NPSR1: variants seen among roughly 807,000 people sequenced by gnomAD.
NPSR1 encodes neuropeptide S receptor.
In NPSR1, 48 loss-of-function variants were observed where a neutral mutation model predicts 46.9. That is an observed-to-expected ratio of 1.02 (90% CI 0.81 to 1.30). The LOEUF is 1.30. Ranked by LOEUF, NPSR1 falls within the 50% of genes most tolerant of loss-of-function variation. The probability of loss-of-function intolerance (pLI) is 0.00; values close to 1 mark genes in which losing one functional copy is unlikely to be tolerated. For missense variants in NPSR1, 450 were observed against 449.5 expected (o/e 1.00, Z -0.01); for synonymous variants, 176 against 168.1 (o/e 1.05, Z -0.36).
At chr7:34,857,637 C>T (rs539587717) in intron 8 of NPSR1, among the ~76,000 whole-genome samples, 6 of 151,370 alleles carry the variant, frequency 4.0e-5, no homozygotes, top group South Asian at 2.1e-4. Flanking sequence ...GACAATAGGA[C>T]GCTGAAAAAA....
At chr7:34,812,991 G>A (rs1789066363) in intron 4 of NPSR1, among the ~76,000 whole-genome samples, 1 of 151,978 alleles carries the variant, frequency 6.6e-6, no homozygotes, top group African/African-American at 2.4e-5. Context: ...AGTGAAATAG[G>A]GTAATTTCAT....
At chr7:34,697,750 A>G (rs1793603809) in intron 2 of NPSR1, among the ~76,000 whole-genome samples, 1 of 151,780 alleles carries the variant, frequency 6.6e-6, no homozygotes, top group African/African-American at 2.4e-5. Context: ...CACAGATAAA[A>G]AGGGCCAATT....
chr7:34,824,181 C>T lies in NPSR1; in HGVS notation c.479-3220C>T, dbSNP rs142321413. 1.6e-3 allele frequency among the ~76,000 whole-genome samples: 242 copies of T among 152,158 alleles called. 3 individuals are homozygous for T. Among genetic ancestry groups the T allele is most frequent in the African/African-American group, 5.3e-3 (220 of 41,526 alleles). On this transcript the variant is annotated intron_variant, in intron 4 of 8. Transcript: ENST00000360581. ...TTAAGCTTGACGTTTCTGGTTGGTG[C>T]CACTATGGATTTTTTTCCTTTTCGC...
At chr7:34,752,894 C>T (rs141722127) in intron 2 of NPSR1, among the ~76,000 whole-genome samples, 159 of 152,274 alleles carry the variant, frequency 1.0e-3, no homozygotes, top group African/African-American at 3.6e-3. Flanking sequence ...CTGCCTAGTC[C>T]GCTTGCTTCC....
In NPSR1 at chr7:34,875,419, T is replaced by C. The variant is rs564754482; in HGVS notation, c.1026-2657T>C. On this transcript the variant is annotated intron_variant, in intron 8 of 8. Coordinates refer to the NPSR1 transcript ENST00000359791. ...CTAAGGGGTAACGTCTTCCAGAGAG[T>C]TTAGCTGCTTCCGGCGCCCTACCTC... Among the ~76,000 whole-genome samples, 6 of 151,744 alleles carry C rather than the reference T, an allele frequency of 4.0e-5. No individual in the cohort carries two copies. In the South Asian group the frequency reaches 6.3e-4, roughly 16 times the overall value.
intron 2 of NPSR1, chr7:34,685,902 G>A (rs908072322): frequency 8.3e-6 from 2 of 241,272 alleles, no homozygotes; most frequent in Non-Finnish European, 1.7e-5. Context: ...CTACCAACAA[G>A]AACTCCAATT....
At chr7:34,813,949 G>A (rs1212382309) in intron 4 of NPSR1, among the ~76,000 whole-genome samples, 1 of 152,234 alleles carries the variant, frequency 6.6e-6, no homozygotes. Context: ...GTTCCAAGAT[G>A]GCCAAATAGG....
intron 1 of NPSR1, among the ~76,000 whole-genome samples, chr7:34,678,791 A>C (rs1583790417): frequency 6.7e-6 from 1 of 150,292 alleles, no homozygotes. Context: ...GCGCCACTGC[A>C]CTCCAGCCTG....
At chr7:34,872,451 C>T (rs1367035069) in intron 8 of NPSR1, among the ~76,000 whole-genome samples, 1 of 151,986 alleles carries the variant, frequency 6.6e-6, no homozygotes, top group East Asian at 1.9e-4. Context: ...GCTAATTTGC[C>T]TAGCAAGTGG....
intron 3 of NPSR1, among the ~76,000 whole-genome samples, chr7:34,804,806 A>G (rs1788609686): frequency 6.6e-6 from 1 of 152,032 alleles, no homozygotes; most frequent in Non-Finnish European, 1.5e-5. Flanking sequence ...AAAAACAAAC[A>G]AAAAAGAAAC....
Position 34,684,621 on chromosome 7 carries a change from T to C in NPSR1, c.217T>C (p.Ser73Pro). ...TIVGNSVVLF[S>P]TWRRKKKSRM... ...TGTTGGAAACTCCGTTGTGCTTTTT[T>C]CCACATGGAGGAGAAAGAAGAAGTC... is the stretch of plus-strand genomic sequence containing the variant. The change falls in exon 2 of 9, where the codon TCC (serine) becomes CCC (proline). Residue 73 changes from serine to proline, a missense_variant. Transcript: ENST00000360581. 2 of 1,613,932 alleles carry C rather than the reference T, an allele frequency of 1.2e-6. No homozygotes were observed. Among genetic ancestry groups the C allele is most frequent in the East Asian group, 2.2e-5 (1 of 44,860 alleles).
intron 3 of NPSR1, among the ~76,000 whole-genome samples, chr7:34,793,726 C>T (rs35172845): frequency 8.6e-4 from 131 of 152,184 alleles, no homozygotes; most frequent in Non-Finnish European, 1.5e-3. Flanking sequence ...TGGGTATAAA[C>T]CCAAAAGTAA....
chr7:34,827,627 A>T, intron 5 of NPSR1, 25 bp downstream of exon 5: 1 of 456,238 alleles, frequency 2.2e-6, no homozygotes, highest in Non-Finnish European at 4.1e-6. Context: ...GGACAGGACC[A>T]CACGGGGGGG....
chr7:34,853,023 T>A (rs548304968), downstream of NPSR1, among the ~76,000 whole-genome samples: 8 of 152,216 alleles, frequency 5.3e-5, no homozygotes, highest in Non-Finnish European at 1.0e-4. Context: ...ATCTCCCACC[T>A]TTTCCCCCAG....
intron 4 of NPSR1, among the ~76,000 whole-genome samples, chr7:34,822,217 G>A (rs775947899): frequency 6.6e-6 from 1 of 152,158 alleles, no homozygotes. Context: ...TTTTAGTACC[G>A]CAGCTTGTCA....
chr7:34,842,656 C>T (rs894721019), intron 6 of NPSR1, among the ~76,000 whole-genome samples: 1 of 152,172 alleles, frequency 6.6e-6, no homozygotes, highest in Non-Finnish European at 1.5e-5. Flanking sequence ...TTAGGAGTGG[C>T]CTTACAGGGT....
At chr7:34,842,325 A>G (rs1226839320) in intron 6 of NPSR1, among the ~76,000 whole-genome samples, 2 of 152,330 alleles carry the variant, frequency 1.3e-5, no homozygotes, top group Non-Finnish European at 2.9e-5. Context: ...CCAAGATCCC[A>G]TCCTAGAAAT....
rs181667577 is a variant in NPSR1, at chr7:34,876,877, C to T, written c.1026-1199C>T. Among the ~76,000 whole-genome samples the T allele has an allele frequency of 3.3e-5, 5 of 152,300 alleles. No individual in the cohort carries two copies. The East Asian group carries it at 9.7e-4, about 29-fold the overall frequency. ...TGACAGCAGAAAAAGACTTGGAATG[C>T]CAGGAGCTCTGCTGCAGGACTCCAG... On this transcript the variant is annotated intron_variant, in intron 8 of 8. Coordinates refer to the NPSR1 transcript ENST00000359791.
At chr7:34,862,068 T>G (rs1274906555) in intron 8 of NPSR1, among the ~76,000 whole-genome samples, 5 of 151,806 alleles carry the variant, frequency 3.3e-5, no homozygotes, top group Non-Finnish European at 7.3e-5. Context: ...GTTTCCTTAT[T>G]GTTTCTCAGC....
Sources: allele counts gnomAD v4.1 joint callset (sites outside exome capture counted in the v4.1 genomes callset), GRCh38; gene constraint gnomAD v4.1.1; transcripts MANE v1.5; gene names NCBI Gene and HGNC (gene_info 2026-07-23, HGNC 2026-07-21).